TECTA: variants seen among roughly 807,000 people sequenced by gnomAD.
TECTA encodes the protein alpha-tectorin.
In TECTA, 128 loss-of-function variants were observed where a neutral mutation model predicts 216.8. The observed-to-expected ratio is 0.59, with a 90% CI of 0.51 to 0.68. The LOEUF (loss-of-function observed/expected upper bound fraction) is 0.68, where lower values mean the gene tolerates loss of function less well. Among genes scored for constraint, TECTA ranks in the 30% least tolerant of loss-of-function variants. The probability of loss-of-function intolerance (pLI) is 0.00; values close to 1 mark genes in which losing one functional copy is unlikely to be tolerated. For missense variants in TECTA, 2,551 were observed against 2,786.2 expected (o/e 0.92, Z 1.90); for synonymous variants, 1,089 against 1,117.1 (o/e 0.97, Z 0.50).
chr11:121,135,636 T>A (rs11218155), intron 10 of TECTA, among the ~76,000 whole-genome samples: 27,677 of 152,254 alleles, frequency 0.18, 2,656 homozygotes, highest in South Asian at 0.32. Context: ...AGAACTGTTG[T>A]ATCGGTACTT....
chr11:121,191,094 G>A lies in TECTA; in HGVS notation c.*288G>A, dbSNP rs190907943. 1.8e-5 allele frequency: 6 copies of A among 342,676 alleles called. No individual in the cohort carries two copies. The highest frequency in any genetic ancestry group is 1.1e-4 in the African/African-American group (5 of 47,158). 21.2% of individuals were successfully genotyped at this position (342,676 alleles called of 1,614,324 possible). On this transcript the variant is annotated 3_prime_UTR_variant, in exon 24 of 24. Transcript: ENST00000392793. ...TGGTTCACATGAAAAACCAGTAAAG[G>A]AAAAAAATTCTGGTTAGAGAAATCT...
chr11:121,118,796 A>G, intron 7 of TECTA, 78 bp downstream of exon 7: 3 of 1,557,680 alleles, frequency 1.9e-6, no homozygotes, highest in South Asian at 2.2e-5. Flanking sequence ...CCCCAGATCT[A>G]CTGGTTCTGC....
chr11:121,113,026 C>T lies in TECTA; in HGVS notation c.487-46C>T. 1 of 1,613,070 alleles carries T rather than the reference C, an allele frequency of 6.2e-7. No homozygotes were observed. Among genetic ancestry groups the T allele is most frequent in the South Asian group, 1.1e-5 (1 of 90,888 alleles). On this transcript the variant is annotated intron_variant, in intron 4 of 23. Coordinates refer to ENST00000392793, the MANE Select transcript of TECTA (RefSeq NM_005422.4). The surrounding 1 kb of genome is among the most constrained non-coding windows in gnomAD (Gnocchi z 4.2). The stretch of plus-strand genomic sequence containing the variant: ...GGGAGGACCTCCTTGGGGCCAGGAC[C>T]TCCTGGGGAGTGCAAGTCATGAGAC...
intron 6 of TECTA, among the ~76,000 whole-genome samples, chr11:121,114,156 G>A (rs938058637): frequency 6.6e-6 from 1 of 152,090 alleles, no homozygotes; most frequent in African/African-American, 2.4e-5. Flanking sequence ...TGCAGTTGGA[G>A]TATTGCCAAG....
At chr11:121,162,043 A>T (rs367920323) in intron 15 of TECTA, 32 bp from the exon 16 acceptor site, 1 of 1,612,928 alleles carries the variant, frequency 6.2e-7, no homozygotes, top group East Asian at 2.2e-5. Context: ...GAGATCTCAG[A>T]TGGCTGTTTT....
At position 121,187,978 on chromosome 11, in the gene TECTA, A is replaced by G; in HGVS notation, c.6146A>G (p.Lys2049Arg). 1 of 1,614,186 alleles carries G rather than the reference A, an allele frequency of 6.2e-7. No homozygotes were observed. Among genetic ancestry groups the G allele is most frequent in the African/African-American group, 1.3e-5 (1 of 75,050 alleles). ...HCAVSLCDSE[K>R]YSCKITCPHN... Reference sequence around the variant, plus strand: ...GCAGTGTCACTCTGCGACTCAGAAAAGTACTCCTGTAAAATCGTAAGTGAG... The same window carrying G: ...GCAGTGTCACTCTGCGACTCAGAAAGGTACTCCTGTAAAATCGTAAGTGAG... Residue 2049 changes from lysine (K) to arginine (R), a missense_variant, in exon 21 of 24, where the codon AAG becomes AGG. Transcript: ENST00000392793.
Position 121,187,949 on chromosome 11 carries a change from C to CGAAGGCACACGCAG in TECTA, c.6117_6118insGAAGGCACACGCAG (p.Cys2040GlufsTer76). The CGAAGGCACACGCAG allele has an allele frequency of 6.2e-7, 1 of 1,614,264 alleles. No homozygotes were observed. The highest frequency in any genetic ancestry group is 8.5e-7 in the Non-Finnish European group (1 of 1,180,042). ...GGGATTACGACGAAGTTCACCTTCA[C>CGAAGGCACACGCAG]TGTGCAGTGTCACTCTGCGACTCAG... On this transcript the variant is annotated frameshift_variant, in exon 21 of 24. Transcript: ENST00000392793. LOFTEE classifies it high-confidence loss of function.
chr11:121,188,475 A>G (rs1947309718), intron 21 of TECTA, among the ~76,000 whole-genome samples: 1 of 152,204 alleles, frequency 6.6e-6, no homozygotes, highest in Non-Finnish European at 1.5e-5. Context: ...ACTCCACTAT[A>G]GAACCAAACT....
intron 10 of TECTA, among the ~76,000 whole-genome samples, chr11:121,135,631 T>C (rs563302141): frequency 6.6e-6 from 1 of 152,364 alleles, no homozygotes; most frequent in African/African-American, 2.4e-5. Context: ...AGTGCAGAAC[T>C]GTTGTATCGG....
chr11:121,125,261 G>A (rs1220235774), intron 7 of TECTA, 41 bp from the exon 8 acceptor site: 1 of 1,594,608 alleles, frequency 6.3e-7, no homozygotes. Context: ...CAGTGCCTGG[G>A]CACCTGCTCA....
At position 121,128,247 on chromosome 11, in the gene TECTA, A is replaced by G. The variant is rs1265924208; in HGVS notation, c.2270A>G (p.Lys757Arg). 2 of 1,600,550 alleles carry G rather than the reference A, an allele frequency of 1.2e-6. No individual in the cohort carries two copies. Among genetic ancestry groups the G allele is most frequent in the Admixed American group, 3.3e-5 (2 of 60,020 alleles). The stretch of plus-strand genomic sequence containing the variant: ...TACTTGGAAATCGACATCAACAAGA[A>G]GAAGCCCGATGCAGGACCTGCTTGG... ...PEYLEIDINK[K>R]KPDAGPAWLR... The change falls in exon 9 of 24, where the codon AAG becomes AGG. Residue 757 changes from lysine (K) to arginine (R), a missense_variant. Coordinates refer to ENST00000392793, the MANE Select transcript of TECTA (RefSeq NM_005422.4).
intron 21 of TECTA, 52 bp from the exon 22 acceptor site, chr11:121,189,028 A>G: frequency 6.3e-7 from 1 of 1,581,990 alleles, no homozygotes; most frequent in Non-Finnish European, 8.7e-7. Flanking sequence ...GGTGAAGAAT[A>G]AGTTATCAGC....
rs145936178 is a variant in TECTA at position 121,138,113 on chromosome 11, C to T, written c.3543+91C>T. 3.1e-3 allele frequency: 4,818 copies of T among 1,571,106 alleles called. 52 individuals carry two copies. In the Middle Eastern group the frequency reaches 0.049, roughly 16 times the overall value. ...AGGCTGCAGCTGAATCAGGCAGGTC[C>T]GGAATCCAAAGAAAATCTTAGTATA... On this transcript the variant is annotated intron_variant, in intron 11 of 23. Transcript: ENST00000392793.
Position 121,118,386 on chromosome 11 carries a change from G to A in TECTA, c.871G>A (p.Glu291Lys), listed in dbSNP as rs867486907. Reference protein sequence around the residue: ...VKCRCLDFNNEIYCQEASCSP... With the variant: ...VKCRCLDFNNKIYCQEASCSP... Reference sequence around the variant, plus strand: ...GTGCCGCTGTCTGGATTTCAACAATGAGATCTACTGCCAGGAGGCTTCCTG... The same window carrying A: ...GTGCCGCTGTCTGGATTTCAACAATAAGATCTACTGCCAGGAGGCTTCCTG... Residue 291 changes from glutamate (E) to lysine (K), a missense_variant, in exon 7 of 24, where the codon GAG becomes AAG. Physicochemically the swap from Glu to Lys is moderately conservative, Grantham distance 56. This residue lies in a region of TECTA where 2,375 missense variants were observed against 2,563.9 expected (regional missense o/e 0.93). Transcript: ENST00000392793. The A allele has an allele frequency of 3.1e-6, 5 of 1,614,156 alleles. No homozygotes were observed. Among genetic ancestry groups the A allele is most frequent in the Non-Finnish European group, 4.2e-6 (5 of 1,180,038 alleles).
chr11:121,166,538 G>T, intron 17 of TECTA, 40 bp from the exon 18 acceptor site: 1 of 1,608,296 alleles, frequency 6.2e-7, no homozygotes, highest in South Asian at 1.1e-5. Context: ...CAGCAAGACC[G>T]ACTCCACTGA....
At chr11:121,156,710 A>G (rs1418760933) in intron 13 of TECTA, among the ~76,000 whole-genome samples, 1 of 151,144 alleles carries the variant, frequency 6.6e-6, no homozygotes, top group Non-Finnish European at 1.5e-5. Flanking sequence ...GCTCAGGCTT[A>G]TCTGAAACCC....
At chr11:121,187,056 T>G (rs937748078) in intron 20 of TECTA, among the ~76,000 whole-genome samples, 8 of 152,148 alleles carry the variant, frequency 5.3e-5, no homozygotes, top group Non-Finnish European at 1.0e-4. Flanking sequence ...GGTCCGGGCA[T>G]GACTAGGGGA....
At chr11:121,186,815 A>G (rs1947292920) in intron 20 of TECTA, among the ~76,000 whole-genome samples, 1 of 152,194 alleles carries the variant, frequency 6.6e-6, no homozygotes. Flanking sequence ...GAAAAGAGTC[A>G]CCCTTTTTAT....
intron 20 of TECTA, among the ~76,000 whole-genome samples, chr11:121,178,546 G>GTGTT (rs1947193768): frequency 6.7e-6 from 1 of 150,300 alleles, no homozygotes; most frequent in Non-Finnish European, 1.5e-5. Context: ...GTGTGTGTGT[G>GTGTT]TGTGTGTGTG....
Sources: allele counts gnomAD v4.1 joint callset (sites outside exome capture counted in the v4.1 genomes callset), GRCh38; gene constraint gnomAD v4.1.1; regional missense constraint gnomAD v4.1.1; non-coding constraint Gnocchi (gnomAD v3.1); transcripts MANE v1.5; gene names NCBI Gene and HGNC (gene_info 2026-07-23, HGNC 2026-07-21).